Variants in LRRC66 observed in about 807,000 individuals in gnomAD.
LRRC66 encodes leucine-rich repeat-containing protein 66.
A neutral mutation model predicts 24.6 loss-of-function variants in LRRC66; 29 were observed. The observed-to-expected ratio is 1.18, with a 90% CI of 0.88 to 1.61. The LOEUF is 1.61. LRRC66 is among the 40% of genes most tolerant of loss of function. The pLI is 0.00. For synonymous variants in LRRC66, 411 were observed against 397.6 expected, an observed-to-expected ratio of 1.03 and a Z score of -0.40; for missense variants, 1,124 against 1,058.0, an observed-to-expected ratio of 1.06 and a Z score of -0.87.
At chr4:52,002,363 G>A (rs1203463308) in intron 3 of LRRC66, among the ~76,000 whole-genome samples, 1 of 152,134 alleles carries the variant, frequency 6.6e-6, no homozygotes, top group Non-Finnish European at 1.5e-5. Flanking sequence ...TGGAGGTTAT[G>A]GAGATGGGGG....
intron 2 of LRRC66, among the ~76,000 whole-genome samples, chr4:52,004,505 T>C (rs1457357922): frequency 6.6e-6 from 1 of 152,216 alleles, no homozygotes; most frequent in Admixed American, 6.5e-5. Flanking sequence ...GGAGGTCCAT[T>C]TGGCACTGAA....
intron 2 of LRRC66, among the ~76,000 whole-genome samples, chr4:52,005,608 A>T (rs1220562417): frequency 8.6e-6 from 1 of 116,098 alleles, no homozygotes; most frequent in Non-Finnish European, 2.2e-5. Flanking sequence ...ACAACAAAAA[A>T]AAAAAAACAG....
At position 51,995,910 on chromosome 4, in the gene LRRC66, G is replaced by T; in HGVS notation, c.1112C>A (p.Ala371Asp). The change falls in exon 5 of 5, where the codon GCT (alanine) becomes GAT (aspartate). Residue 371 changes from alanine to aspartate, a missense_variant. By Grantham distance (126) the Ala-to-Asp change is moderately radical. Coordinates refer to ENST00000682860, the MANE Select transcript of LRRC66 (RefSeq NM_001024611.3). The part of the protein sequence containing the change: ...DVQAAGKKED[A>D]PQDLALAVCL... ...CACCGCCAGAGCCAGGTCCTGGGGA[G>T]CGTCCTCTTTTTTGCCGGCAGCCTG... is the stretch of plus-strand genomic sequence containing the variant. 1 of 1,614,126 alleles carries T rather than the reference G, an allele frequency of 6.2e-7. No homozygotes were observed. Among genetic ancestry groups the T allele is most frequent in the South Asian group, 1.1e-5 (1 of 91,078 alleles).
At chr4:52,020,254 A>G (rs1481366994) in intron 1 of LRRC66, among the ~76,000 whole-genome samples, 50 bp downstream of exon 1, 1 of 152,228 alleles carries the variant, frequency 6.6e-6, no homozygotes, top group Admixed American at 6.5e-5. Context: ...AACAGAGGCT[A>G]TTTCGGGTAA....
chr4:52,005,087 G>A (rs1013200733), intron 2 of LRRC66, among the ~76,000 whole-genome samples: 1 of 152,168 alleles, frequency 6.6e-6, no homozygotes, highest in Admixed American at 6.5e-5. Context: ...AATTTTTGCA[G>A]TGTTTGATAG....
Position 52,014,167 on chromosome 4 carries a change from G to A in LRRC66, c.496+2951C>T, listed in dbSNP as rs961847225. On this transcript the variant is annotated intron_variant, in intron 2 of 4. Transcript: ENST00000682860. The stretch of plus-strand genomic sequence containing the variant: ...CCTGGGAGGCTGAGGCAGAAGAATC[G>A]CTTGAACCTGGGAGGCGGAGGTTGC... Among the ~76,000 whole-genome samples, 7 of 152,268 alleles carry A rather than the reference G, an allele frequency of 4.6e-5. No homozygotes were observed. In the East Asian group the frequency reaches 1.4e-3, roughly 29 times the overall value.
intron 3 of LRRC66, 44 bp downstream of exon 3, chr4:52,003,179 C>T: frequency 6.8e-7 from 1 of 1,464,210 alleles, no homozygotes; most frequent in Non-Finnish European, 9.4e-7. Context: ...TGTAATTGCC[C>T]ATGTGTCTTC....
In LRRC66 at chr4:51,995,409, G is replaced by C; in HGVS notation, c.1613C>G (p.Thr538Ser). ...IHRNDILGEWTYETVAQEEPL... is the reference protein window; with the variant it reads ...IHRNDILGEWSYETVAQEEPL... ...CTCTTCCTGGGCCACAGTTTCATAA[G>C]TCCATTCTCCGAGAATATCATTCCT... Residue 538 changes from threonine to serine, a missense_variant, in exon 5 of 5, where the codon ACT becomes AGT. Coordinates refer to ENST00000682860, the MANE Select transcript of LRRC66 (RefSeq NM_001024611.3). 6.2e-7 allele frequency: 1 copy of C among 1,614,218 alleles called. No individual in the cohort carries two copies. Among genetic ancestry groups the C allele is most frequent in the Non-Finnish European group, 8.5e-7 (1 of 1,180,042 alleles).
At chr4:52,005,661 TGAGA>T (rs1458698930) in intron 2 of LRRC66, among the ~76,000 whole-genome samples, 1 of 150,132 alleles carries the variant, frequency 6.7e-6, no homozygotes, top group East Asian at 2.0e-4. Context: ...TTTTTTTGAA[TGAGA>T]GAGAACTAAG....
Position 51,994,840 on chromosome 4 carries a change from C to T in LRRC66, c.2182G>A (p.Ala728Thr), listed in dbSNP as rs560146343. The change falls in exon 5 of 5, where the codon GCA (alanine) becomes ACA (threonine). Residue 728 changes from alanine to threonine, a missense_variant. Physicochemically the swap from Ala to Thr is moderately conservative, Grantham distance 58. Transcript: ENST00000682860. ...TGCAGGGACTCCTCATCAGGCACTG[C>T]CTCTTCAGTCTTGCTCCTTGCACTC... ...SESARSKTEE[A>T]VPDEESLQDE... 8.5e-5 allele frequency: 137 copies of T among 1,614,214 alleles called. 2 individuals are homozygous for T. The South Asian group carries it at 1.4e-3, about 17-fold the overall frequency.
intron 2 of LRRC66, among the ~76,000 whole-genome samples, chr4:52,015,003 A>T (rs1736778924): frequency 6.6e-6 from 1 of 152,186 alleles, no homozygotes; most frequent in Non-Finnish European, 1.5e-5. Context: ...ATCTGCATTT[A>T]TAGGGATATT....
At position 51,996,042 on chromosome 4, in the gene LRRC66, C is replaced by T; in HGVS notation, c.980G>A (p.Gly327Glu). ...IRSKAERPQG[G>E]RHTGISTLGK... is the part of the protein sequence containing the mutation. ...CAGAGTAGAAATGCCCGTGTGCCTT[C>T]CTCCCTGGGGCCTCTCTGCTTTGCT... is the stretch of plus-strand genomic sequence containing the variant. The change falls in exon 5 of 5, where the codon GGA becomes GAA. Residue 327 changes from glycine to glutamate, a missense_variant. Gly to Glu is a moderately conservative substitution (Grantham distance 98, BLOSUM62 -2). Coordinates refer to ENST00000682860, the MANE Select transcript of LRRC66 (RefSeq NM_001024611.3). 1.2e-6 allele frequency: 2 copies of T among 1,614,060 alleles called. No homozygotes were observed. The highest frequency in any genetic ancestry group is 1.7e-6 in the Non-Finnish European group (2 of 1,180,016).
intron 2 of LRRC66, among the ~76,000 whole-genome samples, chr4:52,007,618 G>A (rs1736617781): frequency 6.6e-6 from 1 of 152,184 alleles, no homozygotes; most frequent in Non-Finnish European, 1.5e-5. Context: ...AGCTTTTGGA[G>A]TCCAGTGGAA....
At chr4:52,002,258 A>C (rs976247705) in intron 3 of LRRC66, among the ~76,000 whole-genome samples, 1 of 152,226 alleles carries the variant, frequency 6.6e-6, no homozygotes, top group Non-Finnish European at 1.5e-5. Context: ...TAACTTTTTC[A>C]CTGTAGCTAC....
Position 52,017,140 on chromosome 4 carries a change from A to G in LRRC66, c.474T>C (p.Asn158=), listed in dbSNP as rs1370059017. Residue 158 remains asparagine, a synonymous_variant, in exon 2 of 5, where the codon AAT becomes AAC. Coordinates refer to ENST00000682860, the MANE Select transcript of LRRC66 (RefSeq NM_001024611.3). ...PLLKVLILQR[N]KLSDTPKGLW... ...CACCCTTGGGAGTGTCACTGAGTTTATTTCTTTGAAGAATGAGCACCTTCA... is the reference window on the plus strand; with the variant it reads ...CACCCTTGGGAGTGTCACTGAGTTTGTTTCTTTGAAGAATGAGCACCTTCA... 6.2e-7 allele frequency: 1 copy of G among 1,613,664 alleles called. No individual in the cohort carries two copies. The highest frequency in any genetic ancestry group is 1.3e-5 in the African/African-American group (1 of 75,014).
At position 52,001,065 on chromosome 4, in the gene LRRC66, A is replaced by G. The variant is rs569513194; in HGVS notation, c.666+2158T>C. Among the ~76,000 whole-genome samples the G allele has an allele frequency of 3.3e-5, 5 of 152,352 alleles. No individual in the cohort carries two copies. In the South Asian group the frequency reaches 1.0e-3, roughly 32 times the overall value. On this transcript the variant is annotated intron_variant, in intron 3 of 4. Transcript: ENST00000682860. ...GTTAGGTACCAGGCATATGCTAAGC[A>G]CTGGAAAAGAAAACAGATATGATGT... is the stretch of plus-strand genomic sequence containing the variant.
intron 3 of LRRC66, among the ~76,000 whole-genome samples, chr4:52,001,838 A>G (rs1736454272): frequency 6.6e-6 from 1 of 152,166 alleles, no homozygotes; most frequent in Non-Finnish European, 1.5e-5. Context: ...CTATGCCTGA[A>G]TAGCACTTTG....
rs746949808 is a variant in LRRC66, at chr4:51,995,911, C to T, written c.1111G>A (p.Ala371Thr). ...ACCGCCAGAGCCAGGTCCTGGGGAG[C>T]GTCCTCTTTTTTGCCGGCAGCCTGC... Reference protein sequence around the residue: ...DVQAAGKKEDAPQDLALAVCL... With the variant: ...DVQAAGKKEDTPQDLALAVCL... The change falls in exon 5 of 5, where the codon GCT (alanine) becomes ACT (threonine). Residue 371 changes from alanine (A) to threonine (T), a missense_variant. Ala to Thr is a moderately conservative substitution (Grantham distance 58). Coordinates refer to ENST00000682860, the MANE Select transcript of LRRC66 (RefSeq NM_001024611.3). 1.2e-6 allele frequency: 2 copies of T among 1,614,070 alleles called. No homozygotes were observed. The highest frequency in any genetic ancestry group is 1.7e-6 in the Non-Finnish European group (2 of 1,180,006).
chr4:52,003,342 T>C lies in LRRC66; in HGVS notation c.547A>G (p.Ile183Val). 1.9e-6 allele frequency: 3 copies of C among 1,613,886 alleles called. No homozygotes were observed. Among genetic ancestry groups the C allele is most frequent in the Non-Finnish European group, 2.5e-6 (3 of 1,179,888 alleles). Reference sequence around the variant, plus strand: ...AAATCAGACCACCCTATTTGCAATATCCCATTGAATGACAGATCCAAACTC... The same window carrying C: ...AAATCAGACCACCCTATTTGCAATACCCCATTGAATGACAGATCCAAACTC... ...LQSLDLSFNG[I>V]LQIGWSDFHN... Residue 183 changes from isoleucine (I) to valine (V), a missense_variant, in exon 3 of 5, where the codon ATA becomes GTA. Coordinates refer to ENST00000682860, the MANE Select transcript of LRRC66 (RefSeq NM_001024611.3).
Sources: gnomAD v4.1 joint callset for allele counts (sites outside exome capture counted in the v4.1 genomes callset) on GRCh38, gnomAD v4.1.1 for gene constraint, MANE v1.5 for transcripts, NCBI Gene and HGNC (gene_info 2026-07-23, HGNC 2026-07-21) for gene names.